Variants in SLC24A3 observed in about 807,000 individuals in gnomAD.
The protein encoded by SLC24A3 is sodium/potassium/calcium exchanger 3.
A neutral mutation model predicts 75.8 loss-of-function variants in SLC24A3; 28 were observed. The ratio of observed to expected loss-of-function variants is 0.37; its 90% confidence interval spans 0.27 to 0.51. SLC24A3 has a LOEUF of 0.51. Ranked by LOEUF, SLC24A3 falls within the 20% of genes least tolerant of loss-of-function variation. The pLI is 0.94. For synonymous variants in SLC24A3, 372 were observed against 334.1 expected (o/e 1.11, Z -1.24); for missense variants, 663 against 847.8 (o/e 0.78, Z 2.71).
chr20:19,674,012 G>T (rs573158205), intron 9 of SLC24A3, among the ~76,000 whole-genome samples: 1 of 152,346 alleles, frequency 6.6e-6, no homozygotes, highest in South Asian at 2.1e-4. Flanking sequence ...GGTGAGAGAA[G>T]ATGCAAGGTA....
rs1315916561 is a variant in SLC24A3, at chr20:19,639,916, C to T, written c.613-14146C>T. ...ACCTGGGCCGGCAGGGCCGGCTGGC[C>T]GGCTGCTCCGAGTGCGGGGGCTGCC... is the stretch of plus-strand genomic sequence containing the variant. On this transcript the variant is annotated intron_variant, in intron 6 of 16. Transcript: ENST00000328041. 2.6e-5 allele frequency among the ~76,000 whole-genome samples: 4 copies of T among 152,370 alleles called. No homozygotes were observed. The East Asian group carries it at 5.8e-4, about 22-fold the overall frequency.
chr20:19,310,830 T>A (rs919834603), intron 2 of SLC24A3, among the ~76,000 whole-genome samples: 1 of 152,212 alleles, frequency 6.6e-6, no homozygotes, highest in Non-Finnish European at 1.5e-5. Flanking sequence ...CACATTCAAC[T>A]TTTGGGGGAA....
intron 2 of SLC24A3, among the ~76,000 whole-genome samples, chr20:19,354,150 G>A (rs771266441): frequency 6.6e-6 from 1 of 152,158 alleles, no homozygotes; most frequent in East Asian, 1.9e-4. Flanking sequence ...ACCCACAACC[G>A]CATGAACGGA....
intron 2 of SLC24A3, among the ~76,000 whole-genome samples, chr20:19,443,511 A>G (rs1163337349): frequency 1.3e-5 from 2 of 152,166 alleles, no homozygotes; most frequent in African/African-American, 2.4e-5. Flanking sequence ...TGACTTTTGT[A>G]AATTAACCTT....
At chr20:19,446,495 A>G (rs1162981094) in intron 2 of SLC24A3, among the ~76,000 whole-genome samples, 1 of 152,218 alleles carries the variant, frequency 6.6e-6, no homozygotes, top group Non-Finnish European at 1.5e-5. Flanking sequence ...GGACTTTTTA[A>G]TGGAAGCAAG....
chr20:19,528,473 A>T (rs562152105), intron 3 of SLC24A3, among the ~76,000 whole-genome samples: 1 of 152,174 alleles, frequency 6.6e-6, no homozygotes, highest in African/African-American at 2.4e-5. Context: ...AGATTTTTTG[A>T]TGACATGTCC....
intron 2 of SLC24A3, among the ~76,000 whole-genome samples, chr20:19,377,058 G>A (rs1347883248): frequency 6.6e-6 from 1 of 152,136 alleles, no homozygotes; most frequent in African/African-American, 2.4e-5. Flanking sequence ...AATTTGCCAG[G>A]GCTGCCTACT....
chr20:19,565,708 C>T (rs1349386283), intron 3 of SLC24A3, among the ~76,000 whole-genome samples: 1 of 152,132 alleles, frequency 6.6e-6, no homozygotes, highest in Non-Finnish European at 1.5e-5. Context: ...ATTTCCCTCT[C>T]ACACTAAATG....
At chr20:19,557,225 G>A (rs2030802356) in intron 3 of SLC24A3, among the ~76,000 whole-genome samples, 1 of 152,148 alleles carries the variant, frequency 6.6e-6, no homozygotes, top group South Asian at 2.1e-4. Context: ...ACAAACACTT[G>A]TGAAATCCTC....
chr20:19,347,916 G>T (rs904292849), intron 2 of SLC24A3, among the ~76,000 whole-genome samples: 4 of 152,220 alleles, frequency 2.6e-5, no homozygotes, highest in Admixed American at 1.3e-4. Context: ...GAGAGAGGAA[G>T]TCTGTCAAAG....
At chr20:19,613,517 A>C (rs1012288159) in intron 6 of SLC24A3, among the ~76,000 whole-genome samples, 6 of 152,176 alleles carry the variant, frequency 3.9e-5, no homozygotes, top group African/African-American at 1.4e-4. Flanking sequence ...CAGTTGGTTC[A>C]GTTTCTGCAT....
At chr20:19,449,333 A>G (rs1987442418) in intron 2 of SLC24A3, among the ~76,000 whole-genome samples, 1 of 152,168 alleles carries the variant, frequency 6.6e-6, no homozygotes, top group African/African-American at 2.4e-5. Context: ...TGACAGTGGG[A>G]TTCTGCCCCA....
At position 19,346,353 on chromosome 20, in the gene SLC24A3, A is replaced by ATG. The variant is rs1190867116; in HGVS notation, c.271+65267_271+65268dup. On this transcript the variant is annotated intron_variant, in intron 2 of 16. Transcript: ENST00000328041. Reference sequence around the variant, plus strand: ...TGGTGTATATATATATGGTATATATATGGTGTATATATATGTGGTGTATAT... The same window carrying ATG: ...TGGTGTATATATATATGGTATATATATGTGGTGTATATATATGTGGTGTATAT... Among the ~76,000 whole-genome samples, 43 of 129,368 alleles carry ATG rather than the reference A, an allele frequency of 3.3e-4. 2 individuals are homozygous for ATG. The highest frequency in any genetic ancestry group is 1.2e-3 in the African/African-American group (38 of 32,196). 84.9% of individuals were successfully genotyped at this position (129,368 alleles called of 152,430 possible).
chr20:19,505,246 T>C (rs964249013), intron 2 of SLC24A3, among the ~76,000 whole-genome samples: 1 of 152,160 alleles, frequency 6.6e-6, no homozygotes, highest in African/African-American at 2.4e-5. Flanking sequence ...TTCAGCATCA[T>C]GAACAAGGAG....
In SLC24A3 at chr20:19,381,894, A is replaced by G. The variant is rs188393705; in HGVS notation, c.271+100807A>G. Among the ~76,000 whole-genome samples the G allele has an allele frequency of 6.0e-4, 91 of 152,308 alleles. No homozygotes were observed. The East Asian group carries it at 0.01, about 17-fold the overall frequency. On this transcript the variant is annotated intron_variant, in intron 2 of 16. Coordinates refer to ENST00000328041, the MANE Select transcript of SLC24A3 (RefSeq NM_020689.4). ...ATGGTGACTGGAGGGGCAGGCAGGC[A>G]TTCTGTTCAGCATGGAACAGAAATA...
At chr20:19,655,375 G>A (rs1200278481) in intron 7 of SLC24A3, among the ~76,000 whole-genome samples, 1 of 152,084 alleles carries the variant, frequency 6.6e-6, no homozygotes, top group African/African-American at 2.4e-5. Flanking sequence ...ATACTCTTTA[G>A]TGTGGCAAGC....
intron 15 of SLC24A3, among the ~76,000 whole-genome samples, chr20:19,711,893 C>T (rs1288709516): frequency 6.6e-6 from 1 of 152,146 alleles, no homozygotes; most frequent in African/African-American, 2.4e-5. Flanking sequence ...CCGCTTTGGC[C>T]TCCCAAAGTG....
chr20:19,270,126 A>G (rs989253985), intron 1 of SLC24A3, among the ~76,000 whole-genome samples: 3 of 152,262 alleles, frequency 2.0e-5, no homozygotes, highest in Admixed American at 6.5e-5. Flanking sequence ...TCCTTTCTGA[A>G]ACACAGCCCA....
intron 6 of SLC24A3, among the ~76,000 whole-genome samples, chr20:19,587,035 C>T (rs923861994): frequency 4.6e-5 from 7 of 152,178 alleles, no homozygotes; most frequent in Admixed American, 3.3e-4. Context: ...GCCTTGGACA[C>T]CTGCTTGTGG....
Sources: allele counts gnomAD v4.1 joint callset (sites outside exome capture counted in the v4.1 genomes callset), GRCh38; gene constraint gnomAD v4.1.1; transcripts MANE v1.5; gene names NCBI Gene and HGNC (gene_info 2026-07-23, HGNC 2026-07-21).